The following CUX2 variants were observed in gnomAD, a reference collection of about 807,000 sequenced individuals.
CUX2 encodes the protein cut like homeobox 2.
CUX2 carries 40 observed loss-of-function variants against 144.8 expected under a neutral mutation model. The observed-to-expected ratio is 0.28, with a 90% CI of 0.21 to 0.36. CUX2 has a LOEUF of 0.36. CUX2 is among the 10% of genes least tolerant of loss of function. The pLI is 1.00. For missense variants in CUX2, 1,615 were observed against 1,994.0 expected, an observed-to-expected ratio of 0.81 and a Z score of 3.62; for synonymous variants, 827 against 875.6, an observed-to-expected ratio of 0.94 and a Z score of 0.98.
In CUX2 at chr12:111,186,891, G is replaced by A. The variant is rs1188988596; in HGVS notation, c.64-27309G>A. Among the ~76,000 whole-genome samples, 1 of 151,594 alleles carries A rather than the reference G, an allele frequency of 6.6e-6. No individual in the cohort carries two copies. The highest frequency in any genetic ancestry group is 1.5e-5 in the Non-Finnish European group (1 of 67,994). ...CCTCCTGGGTTCGAGTGATTCTCCT[G>A]CCTCAGCCTCCTGAGTAGCTGGGAT... On this transcript the variant is annotated intron_variant, in intron 1 of 21. Transcript: ENST00000261726. The surrounding 1 kb of genome is among the most constrained non-coding windows in gnomAD (Gnocchi z 4.4).
At chr12:111,238,698 A>G (rs1882879601) in intron 3 of CUX2, among the ~76,000 whole-genome samples, 1 of 151,328 alleles carries the variant, frequency 6.6e-6, no homozygotes, top group African/African-American at 2.5e-5. Context: ...GTTTTTATGT[A>G]TATATAAATA....
chr12:111,272,330 G>A (rs1351597497), intron 4 of CUX2, among the ~76,000 whole-genome samples: 1 of 152,032 alleles, frequency 6.6e-6, no homozygotes, highest in East Asian at 1.9e-4. Context: ...CCTCCTCCAT[G>A]CCCACGCTTC....
chr12:111,338,576 G>T, intron 20 of CUX2, 102 bp downstream of exon 20: 4 of 1,122,282 alleles, frequency 3.6e-6, no homozygotes, highest in Non-Finnish European at 5.1e-6. Flanking sequence ...CCATGGTCCA[G>T]TCTCAGCCTA....
intron 3 of CUX2, among the ~76,000 whole-genome samples, chr12:111,221,498 T>C (rs2136233197): frequency 6.6e-6 from 1 of 152,272 alleles, no homozygotes; most frequent in South Asian, 2.1e-4. Context: ...TGGGTATTAA[T>C]CACCTCCTGG....
chr12:111,228,797 C>T (rs1882313089), intron 3 of CUX2, among the ~76,000 whole-genome samples: 1 of 152,154 alleles, frequency 6.6e-6, no homozygotes, highest in Non-Finnish European at 1.5e-5. Flanking sequence ...ACAGTTCAAA[C>T]TTACGCTGTT....
chr12:111,243,281 A>G (rs770788775), intron 3 of CUX2, among the ~76,000 whole-genome samples: 4 of 152,298 alleles, frequency 2.6e-5, no homozygotes, highest in Middle Eastern at 6.8e-3. Flanking sequence ...AAGTCATTGT[A>G]TCATTTTACC....
intron 1 of CUX2, among the ~76,000 whole-genome samples, chr12:111,122,961 C>A (rs762563887): frequency 2.6e-5 from 4 of 152,206 alleles, no homozygotes; most frequent in Non-Finnish European, 5.9e-5. Flanking sequence ...GTTTTTATTT[C>A]TTCCTGGATG....
Position 111,115,620 on chromosome 12 carries a change from C to T in CUX2, c.63+81380C>T, listed in dbSNP as rs568890588. The stretch of plus-strand genomic sequence containing the variant: ...CATGGTATATCTCCATTTTCTACCC[C>T]ATGCTCTTCCCCTGCTTACTCTTAC... On this transcript the variant is annotated intron_variant, in intron 1 of 21. Coordinates refer to ENST00000261726, the MANE Select transcript of CUX2 (RefSeq NM_015267.4). 3.9e-5 allele frequency among the ~76,000 whole-genome samples: 6 copies of T among 152,128 alleles called. No individual in the cohort carries two copies. In the East Asian group the frequency reaches 1.2e-3, roughly 29 times the overall value.
At chr12:111,336,411 A>G (rs1024413990) in intron 19 of CUX2, among the ~76,000 whole-genome samples, 21 of 145,126 alleles carry the variant, frequency 1.4e-4, no homozygotes, top group African/African-American at 5.4e-4. Flanking sequence ...TTGGCCTCTC[A>G]GACACTTCAG....
intron 1 of CUX2, among the ~76,000 whole-genome samples, chr12:111,198,727 A>T (rs1880392776): frequency 6.6e-6 from 1 of 152,208 alleles, no homozygotes; most frequent in Non-Finnish European, 1.5e-5. Context: ...CCCTGCTGAG[A>T]AGGTGGCAGC....
intron 1 of CUX2, among the ~76,000 whole-genome samples, chr12:111,047,563 T>G (rs1474539775): frequency 2.0e-5 from 3 of 152,142 alleles, no homozygotes; most frequent in African/African-American, 7.2e-5. Flanking sequence ...CAGCATCCCT[T>G]GGGGCAGGCT....
At chr12:111,092,492 T>C (rs756134575) in intron 1 of CUX2, among the ~76,000 whole-genome samples, 17 of 152,140 alleles carry the variant, frequency 1.1e-4, no homozygotes, top group Non-Finnish European at 2.4e-4. Context: ...AAGACATCAC[T>C]GTGGGTTTTA....
intron 1 of CUX2, among the ~76,000 whole-genome samples, chr12:111,097,953 C>T (rs1305572891): frequency 6.6e-6 from 1 of 152,136 alleles, no homozygotes; most frequent in Non-Finnish European, 1.5e-5. Flanking sequence ...TTGGACTTTT[C>T]CCCGAGGCTC....
chr12:111,172,637 G>A lies in CUX2; in HGVS notation c.64-41563G>A, dbSNP rs1024314228. The stretch of plus-strand genomic sequence containing the variant: ...GTTCCTGCAGCTGGGTGGAGGCTCC[G>A]AACCTCGAGCTGTCTGGGGTTCTTG... On this transcript the variant is annotated intron_variant, in intron 1 of 21. Coordinates refer to ENST00000261726, the MANE Select transcript of CUX2 (RefSeq NM_015267.4). Among the ~76,000 whole-genome samples, 121 of 152,328 alleles carry A rather than the reference G, an allele frequency of 7.9e-4. 3 individuals are homozygous for A. The highest frequency in any genetic ancestry group is 7.5e-3 in the Admixed American group (115 of 15,302).
intron 1 of CUX2, among the ~76,000 whole-genome samples, chr12:111,053,190 G>C (rs1315165818): frequency 6.6e-6 from 1 of 152,202 alleles, no homozygotes; most frequent in African/African-American, 2.4e-5. Flanking sequence ...TGTACATGCA[G>C]GGCCCAGCAC....
intron 16 of CUX2, among the ~76,000 whole-genome samples, chr12:111,314,361 C>T (rs200175166): frequency 2.6e-5 from 4 of 152,100 alleles, no homozygotes; most frequent in Non-Finnish European, 4.4e-5. Flanking sequence ...CGTGAGCCAC[C>T]GTGCCCAGAC....
In CUX2 at chr12:111,308,342, C is replaced by T; in HGVS notation, c.1158+9C>T. The T allele has an allele frequency of 1.9e-6, 3 of 1,614,178 alleles. No homozygotes were observed. The highest frequency in any genetic ancestry group is 1.7e-4 in the Middle Eastern group (1 of 6,060). ...CCTGCAGCCTCCCCCAGGTAAGTGT[C>T]CCTGCCACCATCCCTGCAGGGCAGG... On this transcript the variant is annotated intron_variant, in intron 13 of 21. Transcript: ENST00000261726.
At chr12:111,054,110 C>T (rs945706982) in intron 1 of CUX2, among the ~76,000 whole-genome samples, 9 of 152,204 alleles carry the variant, frequency 5.9e-5, no homozygotes, top group African/African-American at 1.9e-4. Flanking sequence ...ACCGAGATCG[C>T]GCCACTGCAC....
At chr12:111,313,503 G>A (rs1248207) in intron 16 of CUX2, among the ~76,000 whole-genome samples, 9 of 151,768 alleles carry the variant, frequency 5.9e-5, no homozygotes, top group Admixed American at 1.3e-4. Context: ...TTAGCTGGGC[G>A]TGGTGGCGCA....
Sources: allele counts gnomAD v4.1 joint callset (sites outside exome capture counted in the v4.1 genomes callset), GRCh38; gene constraint gnomAD v4.1.1; non-coding constraint Gnocchi (gnomAD v3.1); transcripts MANE v1.5; gene names NCBI Gene and HGNC (gene_info 2026-07-23, HGNC 2026-07-21).